The following SYCP2L variants were observed in gnomAD, a reference collection of about 807,000 sequenced individuals.
The protein encoded by SYCP2L is synaptonemal complex protein 2-like.
In SYCP2L, 98 loss-of-function variants were observed where a neutral mutation model predicts 125.8. The ratio of observed to expected loss-of-function variants is 0.78; its 90% CI spans 0.66 to 0.92. The LOEUF (loss-of-function observed/expected upper bound fraction) is 0.92, where lower values mean the gene tolerates loss of function less well. Ranked by LOEUF, SYCP2L falls within the 40% of genes least tolerant of loss-of-function variation. SYCP2L has a pLI of 0.00. For missense variants in SYCP2L, 842 were observed against 936.4 expected, an observed-to-expected ratio of 0.90 and a Z score of 1.32; for synonymous variants, 317 against 325.4, an observed-to-expected ratio of 0.97 and a Z score of 0.28.
chr6:10,890,956 C>G (rs903166956), intron 1 of SYCP2L, among the ~76,000 whole-genome samples: 28 of 152,134 alleles, frequency 1.8e-4, no homozygotes, highest in African/African-American at 6.8e-4. Flanking sequence ...CATGAATGTT[C>G]TTGACACCTT....
intron 29 of SYCP2L, among the ~76,000 whole-genome samples, chr6:10,966,957 T>C (rs962538065): frequency 8.6e-5 from 13 of 151,918 alleles, no homozygotes; most frequent in African/African-American, 3.1e-4. Context: ...TTAGATGAAA[T>C]GAACAATTTT....
intron 4 of SYCP2L, among the ~76,000 whole-genome samples, chr6:10,896,772 G>A (rs937580970): frequency 1.2e-4 from 18 of 152,198 alleles, no homozygotes; most frequent in Admixed American, 2.6e-4. Flanking sequence ...AACTCAGGTG[G>A]GGGTGTATCA....
At chr6:10,955,775 T>C (rs1781494415) in intron 24 of SYCP2L, among the ~76,000 whole-genome samples, 1 of 152,168 alleles carries the variant, frequency 6.6e-6, no homozygotes, top group South Asian at 2.1e-4. Context: ...TTGTGAGACT[T>C]AATTGATGCT....
At chr6:10,910,049 G>T in intron 10 of SYCP2L, 99 bp from the exon 11 acceptor site, 2 of 896,274 alleles carry the variant, frequency 2.2e-6, no homozygotes, top group South Asian at 1.5e-5. Flanking sequence ...CTGCCTCCTG[G>T]TCATTTAGAA....
Position 10,910,220 on chromosome 6 carries a change from A to G in SYCP2L, c.872+20A>G, listed in dbSNP as rs780570682. ...AAGAAGGTAAGTTGTGTCTCTGAGC[A>G]TTATTGACTAGTTGTATTCTGAAAA... On this transcript the variant is annotated intron_variant, in intron 11 of 29. Transcript: ENST00000283141. The G allele has an allele frequency of 8.1e-6, 13 of 1,607,510 alleles. No homozygotes were observed. Among genetic ancestry groups the G allele is most frequent in the Non-Finnish European group, 8.5e-6 (10 of 1,174,478 alleles).
At chr6:10,948,194 C>T (rs1781349171) in intron 23 of SYCP2L, among the ~76,000 whole-genome samples, 1 of 152,042 alleles carries the variant, frequency 6.6e-6, no homozygotes, top group Non-Finnish European at 1.5e-5. Flanking sequence ...TGTGTGTATG[C>T]GTGTGTTAAT....
chr6:10,922,325 A>G (rs1780812487), intron 14 of SYCP2L, among the ~76,000 whole-genome samples: 9 of 152,192 alleles, frequency 5.9e-5, no homozygotes, highest in Admixed American at 5.9e-4. Flanking sequence ...TTCCGTAAGT[A>G]AGACTTTTGT....
intron 21 of SYCP2L, among the ~76,000 whole-genome samples, chr6:10,937,180 T>C (rs1039169142): frequency 6.6e-6 from 1 of 152,214 alleles, no homozygotes; most frequent in African/African-American, 2.4e-5. Context: ...TCTCCAGAAT[T>C]GATCATATGT....
intron 11 of SYCP2L, 76 bp downstream of exon 11, chr6:10,910,276 T>G (rs1176387251): frequency 7.3e-7 from 1 of 1,365,218 alleles, no homozygotes; most frequent in Non-Finnish European, 1.0e-6. Flanking sequence ...CAGTTTAGGG[T>G]CTGTTTCATT....
intron 14 of SYCP2L, among the ~76,000 whole-genome samples, chr6:10,922,324 T>A (rs1780812452): frequency 6.6e-6 from 1 of 152,142 alleles, no homozygotes; most frequent in Non-Finnish European, 1.5e-5. Context: ...ATTCCGTAAG[T>A]AAGACTTTTG....
intron 21 of SYCP2L, among the ~76,000 whole-genome samples, chr6:10,937,161 A>G (rs1581834665): frequency 6.6e-6 from 1 of 152,300 alleles, no homozygotes; most frequent in Middle Eastern, 3.4e-3. Context: ...TACAGTGCGC[A>G]TGGGACATTC....
rs1041946355 is a variant in SYCP2L, at chr6:10,928,860, C to T, written c.1488+410C>T. The stretch of plus-strand genomic sequence containing the variant: ...ATCAGCCATCTGTCAATTTTTTGAC[C>T]ATCCCCTCCTTGAGATTGTTTTTGC... On this transcript the variant is annotated intron_variant, in intron 18 of 29. Transcript: ENST00000283141. 3.3e-5 allele frequency among the ~76,000 whole-genome samples: 5 copies of T among 151,420 alleles called. No individual in the cohort carries two copies. The South Asian group carries it at 1.0e-3, about 32-fold the overall frequency.
intron 11 of SYCP2L, 27 bp from the exon 12 acceptor site, chr6:10,910,797 T>G: frequency 1.2e-6 from 2 of 1,612,528 alleles, no homozygotes; most frequent in African/African-American, 1.3e-5. Context: ...TCATGTTTTA[T>G]TTTTTTAATT....
intron 29 of SYCP2L, among the ~76,000 whole-genome samples, chr6:10,964,686 A>G (rs1384018095): frequency 1.3e-5 from 2 of 152,182 alleles, no homozygotes; most frequent in Non-Finnish European, 2.9e-5. Flanking sequence ...GAGGCAACCC[A>G]TTAAAAGATA....
chr6:10,963,912 GAT>G (rs1270301135), intron 29 of SYCP2L, 69 bp downstream of exon 29: 4 of 1,169,320 alleles, frequency 3.4e-6, no homozygotes, highest in Non-Finnish European at 3.8e-6. Context: ...AGCTCTAAAA[GAT>G]ACTGTAATGC....
At chr6:10,931,337 G>A in intron 19 of SYCP2L, 103 bp from the exon 20 acceptor site, 1 of 1,088,662 alleles carries the variant, frequency 9.2e-7, no homozygotes, top group Non-Finnish European at 1.4e-6. Flanking sequence ...GCTGTAGGAA[G>A]TGGGAATTGC....
At chr6:10,890,348 C>T (rs1291408458) in intron 1 of SYCP2L, among the ~76,000 whole-genome samples, 1 of 152,190 alleles carries the variant, frequency 6.6e-6, no homozygotes, top group African/African-American at 2.4e-5. Flanking sequence ...TTTTCCATAT[C>T]CTTGCCAGCA....
chr6:10,948,103 T>G (rs1026313393), intron 23 of SYCP2L, among the ~76,000 whole-genome samples: 2 of 152,170 alleles, frequency 1.3e-5, no homozygotes, highest in Admixed American at 6.5e-5. Context: ...TCTAATATGA[T>G]ATTTTGTTAC....
intron 26 of SYCP2L, among the ~76,000 whole-genome samples, chr6:10,960,593 AT>A (rs1781576814): frequency 6.6e-6 from 1 of 152,236 alleles, no homozygotes; most frequent in Non-Finnish European, 1.5e-5. Flanking sequence ...TAGAGCTAAA[AT>A]GTAGATGTGG....
Sources: allele counts gnomAD v4.1 joint callset (sites outside exome capture counted in the v4.1 genomes callset), GRCh38; gene constraint gnomAD v4.1.1; transcripts MANE v1.5; gene names NCBI Gene and HGNC (gene_info 2026-07-23, HGNC 2026-07-21).